The following PTPRS variants were observed in gnomAD, a reference collection of about 807,000 sequenced individuals.
PTPRS encodes protein tyrosine phosphatase receptor type S.
PTPRS carries 63 observed loss-of-function variants against 215.3 expected under a neutral mutation model. The observed-to-expected ratio is 0.29, with a 90% CI of 0.24 to 0.36. The LOEUF (loss-of-function observed/expected upper bound fraction) is 0.36, where lower values mean the gene tolerates loss of function less well. PTPRS is among the 10% of genes least tolerant of loss of function. The pLI is 1.00. For missense variants in PTPRS, 2,258 were observed against 2,825.8 expected (o/e 0.80, Z 4.56); for synonymous variants, 1,404 against 1,191.4 (o/e 1.18, Z -3.68).
At chr19:5,277,583 G>A (rs2047489994) in intron 2 of PTPRS, among the ~76,000 whole-genome samples, 1 of 151,720 alleles carries the variant, frequency 6.6e-6, no homozygotes, top group African/African-American at 2.4e-5. Flanking sequence ...GTGAACCCAG[G>A]AGGCGAAGCT....
At chr19:5,313,970 T>TAAA (rs869214534) in intron 1 of PTPRS, among the ~76,000 whole-genome samples, 1 of 121,516 alleles carries the variant, frequency 8.2e-6, no homozygotes, top group Non-Finnish European at 1.7e-5. Context: ...ATAATAATAA[T>TAAA]AAATAAAAGT....
At chr19:5,282,742 C>CA (rs2047966150) in intron 2 of PTPRS, among the ~76,000 whole-genome samples, 2 of 149,850 alleles carry the variant, frequency 1.3e-5, no homozygotes, top group African/African-American at 4.9e-5. Flanking sequence ...GCAGAGGCTG[C>CA]AGTGGGAGCC....
In PTPRS at chr19:5,216,610, C is replaced by T. The variant is rs1050909508; in HGVS notation, c.4096+110G>A. 5.9e-5 allele frequency: 56 copies of T among 954,362 alleles called. No individual in the cohort carries two copies. In the African/African-American group the frequency reaches 7.9e-4, roughly 13 times the overall value. The allele number at this position is 954,362 out of a possible 1,614,324, so 59.1% of individuals were successfully genotyped here. On this transcript the variant is annotated intron_variant, in intron 26 of 37. Coordinates refer to ENST00000262963, the MANE Select transcript of PTPRS (RefSeq NM_002850.4). ...CAGCACAAGACAGGTGGGCAAAGGC[C>T]GGTGATGGGTGGGCGTGTGGACAGA... is the stretch of plus-strand genomic sequence containing the variant.
chr19:5,247,975 C>T (rs2044651863), intron 9 of PTPRS, among the ~76,000 whole-genome samples: 2 of 148,544 alleles, frequency 1.3e-5, no homozygotes, highest in African/African-American at 2.5e-5. Flanking sequence ...GGAGTCGGGG[C>T]ATGGGGAGAC....
At chr19:5,298,437 C>A (rs2049206507) in intron 1 of PTPRS, among the ~76,000 whole-genome samples, 1 of 152,324 alleles carries the variant, frequency 6.6e-6, no homozygotes, top group South Asian at 2.1e-4. Context: ...ATATTTGGCA[C>A]CAAAACCCCC....
At chr19:5,314,268 T>G (rs1040106377) in intron 1 of PTPRS, among the ~76,000 whole-genome samples, 6 of 152,210 alleles carry the variant, frequency 3.9e-5, no homozygotes, top group African/African-American at 1.4e-4. Context: ...CCTCCCTGAC[T>G]TGGATCAACC....
In PTPRS at chr19:5,215,304, G is replaced by A; in HGVS notation, c.4303C>T (p.Leu1435Phe). 1 of 1,614,104 alleles carries A rather than the reference G, an allele frequency of 6.2e-7. No individual in the cohort carries two copies. The highest frequency in any genetic ancestry group is 8.5e-7 in the Non-Finnish European group (1 of 1,179,974). Reference protein sequence around the residue: ...VIAYDHSRVILQPIEGIMGSD... With the variant: ...VIAYDHSRVIFQPIEGIMGSD... ...TCCGAACTACCTTCAATGGGCTGGAGGATGACACGGGAGTGGTCATAGGCG... is the reference window on the plus strand; with the variant it reads ...TCCGAACTACCTTCAATGGGCTGGAAGATGACACGGGAGTGGTCATAGGCG... Residue 1435 changes from leucine (L) to phenylalanine (F), a missense_variant, in exon 28 of 38, where the codon CTC becomes TTC. By Grantham distance (22) the Leu-to-Phe change is conservative. Around this residue, in one of 6 missense-constraint regions of PTPRS, gnomAD observed 927 missense variants for 1,125.9 expected, o/e 0.82. Coordinates refer to ENST00000262963, the MANE Select transcript of PTPRS (RefSeq NM_002850.4).
intron 9 of PTPRS, among the ~76,000 whole-genome samples, chr19:5,255,766 G>A (rs1402874545): frequency 1.3e-5 from 2 of 152,170 alleles, no homozygotes; most frequent in South Asian, 2.1e-4. Flanking sequence ...CCATGACGAC[G>A]AGGAGTGCAA....
chr19:5,277,063 T>TTTG (rs531100709), intron 2 of PTPRS, among the ~76,000 whole-genome samples: 11 of 150,600 alleles, frequency 7.3e-5, no homozygotes, highest in East Asian at 5.9e-4. Context: ...TTGTGTTTTT[T>TTTG]TTTTTTTTTT....
At chr19:5,235,079 T>C (rs1297523248) in intron 13 of PTPRS, among the ~76,000 whole-genome samples, 1 of 152,028 alleles carries the variant, frequency 6.6e-6, no homozygotes, top group Non-Finnish European at 1.5e-5. Context: ...TAGCTGGGAC[T>C]ACAGGCGCCC....
At chr19:5,330,410 G>A (rs2050286615) in intron 1 of PTPRS, among the ~76,000 whole-genome samples, 1 of 152,218 alleles carries the variant, frequency 6.6e-6, no homozygotes, top group South Asian at 2.1e-4. Context: ...TACTGGTGGC[G>A]GAGCATTAGC....
intron 32 of PTPRS, 82 bp downstream of exon 32, chr19:5,211,883 C>T (rs909709479): frequency 9.0e-6 from 14 of 1,563,316 alleles, no homozygotes; most frequent in Non-Finnish European, 1.2e-5. Flanking sequence ...CTTCTAGTCC[C>T]CATTGCTCGA....
intron 1 of PTPRS, among the ~76,000 whole-genome samples, chr19:5,327,864 G>A (rs962594385): frequency 6.6e-6 from 1 of 152,140 alleles, no homozygotes; most frequent in Admixed American, 6.5e-5. Flanking sequence ...GCCTCCCAAA[G>A]TATTGGGATT....
intron 11 of PTPRS, among the ~76,000 whole-genome samples, chr19:5,243,424 C>T (rs554784596): frequency 6.6e-6 from 1 of 152,198 alleles, no homozygotes; most frequent in Non-Finnish European, 1.5e-5. Context: ...GTGTGAGCCA[C>T]CGCCTCCGGC....
At chr19:5,262,859 A>G in intron 6 of PTPRS, 105 bp downstream of exon 6, 1 of 1,274,720 alleles carries the variant, frequency 7.8e-7, no homozygotes, top group South Asian at 1.3e-5. Context: ...AGTGGGTCAC[A>G]GTTACCATCA....
chr19:5,238,192 C>T (rs1599601815), intron 13 of PTPRS, among the ~76,000 whole-genome samples: 1 of 152,116 alleles, frequency 6.6e-6, no homozygotes, highest in East Asian at 1.9e-4. Context: ...AGGGGCCTGT[C>T]CAGCTCCGAG....
At chr19:5,264,125 GC>G (rs145570656) in intron 5 of PTPRS, among the ~76,000 whole-genome samples, 42 of 136,986 alleles carry the variant, frequency 3.1e-4, no homozygotes, top group African/African-American at 1.1e-3. Context: ...AGGCTGGACT[GC>G]CCGTCTGTGC....
chr19:5,301,322 T>G (rs1295718404), intron 1 of PTPRS, among the ~76,000 whole-genome samples: 3 of 150,906 alleles, frequency 2.0e-5, no homozygotes, highest in East Asian at 1.9e-4. Flanking sequence ...TTGCTGTTTT[T>G]TTTTTTTTTT....
In PTPRS at chr19:5,292,423, G is replaced by A. The variant is rs2048897971; in HGVS notation, c.-94-6189C>T. 3.3e-5 allele frequency among the ~76,000 whole-genome samples: 5 copies of A among 152,192 alleles called. No individual in the cohort carries two copies. The South Asian group carries it at 1.0e-3, about 31-fold the overall frequency. On this transcript the variant is annotated intron_variant, in intron 1 of 37. Transcript: ENST00000262963. Reference sequence around the variant, plus strand: ...GCTGAGGCCAGCCTGGGTTCTGCAGGAAGCCCCTTGGGGAGGGTCACCAAA... The same window carrying A: ...GCTGAGGCCAGCCTGGGTTCTGCAGAAAGCCCCTTGGGGAGGGTCACCAAA...
Sources: gnomAD v4.1 joint callset for allele counts (sites outside exome capture counted in the v4.1 genomes callset) on GRCh38, gnomAD v4.1.1 for gene constraint, gnomAD v4.1.1 regional missense constraint, MANE v1.5 for transcripts, NCBI Gene and HGNC (gene_info 2026-07-23, HGNC 2026-07-21) for gene names.